The following RASGRF2 variants were observed in gnomAD, a reference collection of about 807,000 sequenced individuals.
The protein encoded by RASGRF2 is ras-specific guanine nucleotide-releasing factor 2.
Under a neutral mutation model 151.0 loss-of-function variants are expected in RASGRF2, and 76 were observed. The observed-to-expected ratio is 0.50, with a 90% CI of 0.42 to 0.61. The LOEUF is 0.61. RASGRF2 is among the 20% of genes least tolerant of loss of function. The pLI is 0.00. For missense variants in RASGRF2, 1,148 were observed against 1,564.6 expected (o/e 0.73, Z 4.49); for synonymous variants, 504 against 566.5 (o/e 0.89, Z 1.57).
intron 17 of RASGRF2, among the ~76,000 whole-genome samples, chr5:81,145,079 C>T (rs1561230143): frequency 6.6e-6 from 1 of 152,000 alleles, no homozygotes; most frequent in Non-Finnish European, 1.5e-5. Context: ...CCAGTCTCTA[C>T]TAAAAATAGA....
chr5:81,130,886 A>T (rs1753599221), intron 17 of RASGRF2, among the ~76,000 whole-genome samples: 1 of 151,152 alleles, frequency 6.6e-6, no homozygotes, highest in Non-Finnish European at 1.5e-5. Flanking sequence ...CCTTGCTCCT[A>T]ACAGGAAACA....
At chr5:81,076,498 G>A (rs577532407) in intron 5 of RASGRF2, among the ~76,000 whole-genome samples, 115 of 152,026 alleles carry the variant, frequency 7.6e-4, no homozygotes, top group African/African-American at 2.5e-3. Flanking sequence ...AAGAGAGAAA[G>A]AGGTGTGGAA....
chr5:81,049,512 T>A (rs1337939429), intron 2 of RASGRF2, among the ~76,000 whole-genome samples: 1 of 152,158 alleles, frequency 6.6e-6, no homozygotes, highest in Non-Finnish European at 1.5e-5. Context: ...CCTTTGACAA[T>A]TTCTTCTTGT....
chr5:81,125,029 A>G (rs1753414777), intron 16 of RASGRF2, among the ~76,000 whole-genome samples: 1 of 152,112 alleles, frequency 6.6e-6, no homozygotes, highest in South Asian at 2.1e-4. Context: ...CCAGGATTAC[A>G]GCCGTGGGCC....
intron 1 of RASGRF2, among the ~76,000 whole-genome samples, chr5:80,966,455 T>C (rs1329047574): frequency 6.6e-6 from 1 of 152,216 alleles, no homozygotes; most frequent in Non-Finnish European, 1.5e-5. Context: ...AAATGTTTGA[T>C]TATTTTATAA....
At chr5:81,111,834 G>C (rs1753003581) in intron 13 of RASGRF2, among the ~76,000 whole-genome samples, 1 of 152,112 alleles carries the variant, frequency 6.6e-6, no homozygotes, top group African/African-American at 2.4e-5. Context: ...GGAGGGGTGA[G>C]GAAAGCACAA....
chr5:81,166,701 G>A (rs756844731), intron 17 of RASGRF2, among the ~76,000 whole-genome samples: 3 of 152,072 alleles, frequency 2.0e-5, no homozygotes, highest in Non-Finnish European at 4.4e-5. Flanking sequence ...TCAGCGAAAG[G>A]ATGGTATCAG....
rs546023949 is a variant in RASGRF2 at position 81,179,317 on chromosome 5, C to T, written c.2687-858C>T. Among the ~76,000 whole-genome samples the T allele has an allele frequency of 2.8e-4, 42 of 152,270 alleles. No homozygotes were observed. In the South Asian group the frequency reaches 4.6e-3, roughly 17 times the overall value. ...TGCAAGTGCCATTTTAAATGTTTAG[C>T]ATGTATTAAAAGTCTTAATCCCACA... On this transcript the variant is annotated intron_variant, in intron 17 of 26. Coordinates refer to ENST00000265080, the MANE Select transcript of RASGRF2 (RefSeq NM_006909.3).
At chr5:80,979,075 C>T (rs1318092449) in intron 1 of RASGRF2, among the ~76,000 whole-genome samples, 3 of 151,980 alleles carry the variant, frequency 2.0e-5, no homozygotes, top group East Asian at 3.8e-4. Flanking sequence ...TTTGCAGGGT[C>T]GGTGGAGCAC....
At chr5:81,206,229 AT>A (rs1290643261) in intron 19 of RASGRF2, among the ~76,000 whole-genome samples, 10 of 145,650 alleles carry the variant, frequency 6.9e-5, no homozygotes, top group Non-Finnish European at 1.1e-4. Flanking sequence ...TTTAAAAGAT[AT>A]TTATTGAGAG....
intron 1 of RASGRF2, among the ~76,000 whole-genome samples, chr5:81,003,810 G>T (rs74773460): frequency 0.057 from 8,705 of 152,288 alleles, 331 homozygotes; most frequent in Middle Eastern, 0.085. Context: ...CAGACCTAAA[G>T]AAATAGAATG....
intron 1 of RASGRF2, among the ~76,000 whole-genome samples, chr5:80,989,263 G>T (rs1018007375): frequency 6.6e-6 from 1 of 152,098 alleles, no homozygotes; most frequent in African/African-American, 2.4e-5. Flanking sequence ...GAGCCACTGT[G>T]CCTGGCCATA....
At chr5:81,213,071 C>T (rs967268496) in intron 23 of RASGRF2, among the ~76,000 whole-genome samples, 15 of 152,206 alleles carry the variant, frequency 9.9e-5, no homozygotes, top group Admixed American at 8.5e-4. Flanking sequence ...CATTTTCACT[C>T]AGATAATTTC....
In RASGRF2 at chr5:81,219,897, A is replaced by G. The variant is rs529406652; in HGVS notation, c.3621+119A>G. 1.2e-5 allele frequency: 8 copies of G among 654,708 alleles called. No homozygotes were observed. In the East Asian group the frequency reaches 2.5e-4, roughly 20 times the overall value. 40.6% of individuals were successfully genotyped at this position (654,708 alleles called of 1,614,324 possible). A position where few individuals can be genotyped will look rare whatever the true frequency, so the allele number is the denominator to read the frequency against. ...AGCTAGCTCATAGAAAAGACCAGTA[A>G]AATAGAAAATCTTTGGCTAGTCTGA... On this transcript the variant is annotated intron_variant, in intron 26 of 26. Coordinates refer to ENST00000265080, the MANE Select transcript of RASGRF2 (RefSeq NM_006909.3).
At chr5:81,220,311 T>C (rs925306562) in intron 26 of RASGRF2, among the ~76,000 whole-genome samples, 39 of 152,324 alleles carry the variant, frequency 2.6e-4, no homozygotes, top group African/African-American at 9.4e-4. Flanking sequence ...TAGTCACAAA[T>C]GGTCTTTTAC....
At chr5:81,017,023 T>C (rs569751960) in intron 1 of RASGRF2, among the ~76,000 whole-genome samples, 1 of 152,350 alleles carries the variant, frequency 6.6e-6, no homozygotes, top group East Asian at 1.9e-4. Flanking sequence ...TATGTGCTGG[T>C]TGATAATTGT....
Position 81,112,820 on chromosome 5 carries a change from C to T in RASGRF2, c.2049C>T (p.Ser683=), listed in dbSNP as rs142772897. The part of the protein sequence containing the change: ...TTAAVVLGKL[S]DIYKRPFTSI... ...CCGCTGTGGTGCTGGGGAAACTCTCCGACATATACAAGAGGCCTTTCACCT... is the reference window on the plus strand; with the variant it reads ...CCGCTGTGGTGCTGGGGAAACTCTCTGACATATACAAGAGGCCTTTCACCT... The change falls in exon 14 of 27, where the codon TCC becomes TCT. Residue 683 remains serine (S), a synonymous_variant. Coordinates refer to ENST00000265080, the MANE Select transcript of RASGRF2 (RefSeq NM_006909.3). The T allele has an allele frequency of 3.2e-5, 51 of 1,614,068 alleles. No homozygotes were observed. Among genetic ancestry groups the T allele is most frequent in the Admixed American group, 1.0e-4 (6 of 60,012 alleles).
intron 14 of RASGRF2, 96 bp downstream of exon 14, chr5:81,112,954 C>T: frequency 1.3e-6 from 2 of 1,487,508 alleles, no homozygotes; most frequent in Non-Finnish European, 1.8e-6. Context: ...TGCAAAGCAG[C>T]TCCTAGGGTG....
intron 1 of RASGRF2, among the ~76,000 whole-genome samples, chr5:80,977,089 G>A (rs1748141866): frequency 6.6e-6 from 1 of 152,206 alleles, no homozygotes; most frequent in African/African-American, 2.4e-5. Flanking sequence ...TCCTGTGATT[G>A]TAGAGCCCCA....
Sources: allele counts gnomAD v4.1 joint callset (sites outside exome capture counted in the v4.1 genomes callset), GRCh38; gene constraint gnomAD v4.1.1; transcripts MANE v1.5; gene names NCBI Gene and HGNC (gene_info 2026-07-23, HGNC 2026-07-21).